The following RALYL variants were observed in gnomAD, a reference collection of about 807,000 sequenced individuals.
RALYL encodes RNA-binding Raly-like protein.
Under a neutral mutation model 35.1 loss-of-function variants are expected in RALYL, and 29 were observed. That is an observed-to-expected ratio of 0.83 (90% confidence interval 0.61 to 1.13). The LOEUF (loss-of-function observed/expected upper bound fraction) is 1.13, where lower values mean the gene tolerates loss of function less well. Among genes scored for constraint, RALYL ranks in the 50% most tolerant of loss-of-function variants. The pLI, the probability that RALYL is intolerant of heterozygous loss-of-function variation, is 0.00. For missense variants in RALYL, 359 were observed against 360.4 expected (o/e 1.00, Z 0.03); for synonymous variants, 120 against 127.6 (o/e 0.94, Z 0.40).
At chr8:84,704,521 A>G (rs996509529) in intron 2 of RALYL, among the ~76,000 whole-genome samples, 1 of 151,760 alleles carries the variant, frequency 6.6e-6, no homozygotes, top group Non-Finnish European at 1.5e-5. Context: ...TTAAGAGCCT[A>G]CTTTGTGCCA....
At chr8:84,647,775 T>C (rs1186861507) in intron 2 of RALYL, among the ~76,000 whole-genome samples, 1 of 152,100 alleles carries the variant, frequency 6.6e-6, no homozygotes, top group Admixed American at 6.6e-5. Flanking sequence ...TGATCATTAT[T>C]AAACAGGAAA....
intron 4 of RALYL, among the ~76,000 whole-genome samples, chr8:84,808,172 T>G (rs1414309319): frequency 6.6e-6 from 1 of 152,232 alleles, no homozygotes; most frequent in Non-Finnish European, 1.5e-5. Flanking sequence ...CTTGAGTTGA[T>G]TTATGTATAA....
chr8:84,647,904 C>T (rs1191162240), intron 2 of RALYL, among the ~76,000 whole-genome samples: 1 of 152,056 alleles, frequency 6.6e-6, no homozygotes, highest in Non-Finnish European at 1.5e-5. Flanking sequence ...GTGCAAGGTG[C>T]TTAATCATTT....
chr8:84,308,320 T>C (rs1322177800), intron 1 of RALYL, among the ~76,000 whole-genome samples: 1 of 152,148 alleles, frequency 6.6e-6, no homozygotes, highest in African/African-American at 2.4e-5. Context: ...CAAGTGCTCA[T>C]AGAGAATATG....
intron 1 of RALYL, among the ~76,000 whole-genome samples, chr8:84,258,119 A>C (rs1321580454): frequency 2.0e-5 from 3 of 152,138 alleles, no homozygotes; most frequent in African/African-American, 7.2e-5. Flanking sequence ...AAGTAGCCAC[A>C]TGTACGTAGT....
chr8:84,771,931 A>G (rs1815629767), intron 2 of RALYL, among the ~76,000 whole-genome samples: 1 of 152,034 alleles, frequency 6.6e-6, no homozygotes, highest in African/African-American at 2.4e-5. Flanking sequence ...TTATCCTCCC[A>G]TATTCTTAGC....
chr8:84,195,471 GA>G (rs1472248724), intron 1 of RALYL, among the ~76,000 whole-genome samples: 1 of 152,034 alleles, frequency 6.6e-6, no homozygotes, highest in Non-Finnish European at 1.5e-5. Context: ...TTAAAAATCA[GA>G]AAACATTGGT....
chr8:84,520,302 T>A (rs2058365173), intron 1 of RALYL, among the ~76,000 whole-genome samples: 1 of 152,180 alleles, frequency 6.6e-6, no homozygotes, highest in African/African-American at 2.4e-5. Flanking sequence ...GATTATCACA[T>A]GTGCTACATT....
chr8:84,732,677 T>TACAC (rs1391408361), intron 2 of RALYL, among the ~76,000 whole-genome samples: 1 of 105,896 alleles, frequency 9.4e-6, no homozygotes, highest in Non-Finnish European at 2.1e-5. Flanking sequence ...ATTATATATA[T>TACAC]ATATATACAC....
chr8:84,595,347 T>C (rs1814248735), intron 2 of RALYL, among the ~76,000 whole-genome samples: 1 of 152,174 alleles, frequency 6.6e-6, no homozygotes, highest in African/African-American at 2.4e-5. Context: ...CAGTGGTCCC[T>C]ACAGTTAATT....
intron 1 of RALYL, among the ~76,000 whole-genome samples, chr8:84,377,880 A>G (rs1459159145): frequency 1.3e-5 from 2 of 151,888 alleles, no homozygotes; most frequent in Non-Finnish European, 2.9e-5. Context: ...AATTATCAAT[A>G]TTAATAGAGT....
intron 1 of RALYL, among the ~76,000 whole-genome samples, chr8:84,285,765 G>A (rs1376060376): frequency 2.6e-5 from 4 of 152,224 alleles, no homozygotes; most frequent in South Asian, 2.1e-4. Flanking sequence ...TGAGGAGTAA[G>A]CAAGGGAGAA....
At chr8:84,457,955 A>T (rs967400263) in intron 1 of RALYL, among the ~76,000 whole-genome samples, 1 of 151,838 alleles carries the variant, frequency 6.6e-6, no homozygotes, top group Non-Finnish European at 1.5e-5. Context: ...TTTACAGAGG[A>T]TATTTTATGC....
At chr8:84,834,156 T>C (rs553661236) in intron 4 of RALYL, among the ~76,000 whole-genome samples, 1 of 152,300 alleles carries the variant, frequency 6.6e-6, no homozygotes, top group African/African-American at 2.4e-5. Flanking sequence ...CGACTACGTG[T>C]CACATATGGT....
chr8:84,512,448 G>A (rs1359320041), intron 1 of RALYL, among the ~76,000 whole-genome samples: 1 of 151,792 alleles, frequency 6.6e-6, no homozygotes, highest in Non-Finnish European at 1.5e-5. Context: ...CTGGATACTG[G>A]TCCCTTGTCA....
chr8:84,226,580 A>C (rs1252950808), intron 1 of RALYL, among the ~76,000 whole-genome samples: 1 of 148,284 alleles, frequency 6.7e-6, no homozygotes, highest in East Asian at 2.0e-4. Flanking sequence ...GTATATACAT[A>C]TATGAAATAA....
chr8:84,849,956 T>C, intron 4 of RALYL, 24 bp from the exon 5 acceptor site: 1 of 1,374,858 alleles, frequency 7.3e-7, no homozygotes, highest in South Asian at 1.5e-5. Flanking sequence ...AAATGCCAAC[T>C]AATTTTTTTG....
At chr8:84,620,692 T>A (rs1362581780) in intron 2 of RALYL, among the ~76,000 whole-genome samples, 10 of 151,926 alleles carry the variant, frequency 6.6e-5, no homozygotes, top group Non-Finnish European at 1.5e-4. Flanking sequence ...GTTTCCAGTT[T>A]TTCTGTTCTG....
In RALYL at chr8:84,681,208, A is replaced by G. The variant is rs538441423; in HGVS notation, c.257-93371A>G. Among the ~76,000 whole-genome samples, 44 of 152,196 alleles carry G rather than the reference A, an allele frequency of 2.9e-4. 1 individual carries two copies. Among genetic ancestry groups the G allele is most frequent in the Non-Finnish European group, 7.4e-5 (5 of 68,024 alleles). On this transcript the variant is annotated intron_variant, in intron 2 of 8. Transcript: ENST00000521268. ...GGGCTCTGTTCTGTTCCATTGGTCT[A>G]TATCTCTGTTTTGGTACCAGTACCA...
Sources: allele counts gnomAD v4.1 joint callset (sites outside exome capture counted in the v4.1 genomes callset), GRCh38; gene constraint gnomAD v4.1.1; transcripts MANE v1.5; gene names NCBI Gene and HGNC (gene_info 2026-07-23, HGNC 2026-07-21).